SLC35F1: variants seen among roughly 807,000 people sequenced by gnomAD.
The protein encoded by SLC35F1 is chromosome 6 open reading frame 169.
In SLC35F1, 14 loss-of-function variants were observed where a neutral mutation model predicts 48.7. That is an observed-to-expected ratio of 0.29 (90% CI 0.19 to 0.45). The LOEUF is 0.45. Among genes scored for constraint, SLC35F1 ranks in the 20% least tolerant of loss-of-function variants. The pLI is 1.00. For missense variants in SLC35F1, 404 were observed against 500.0 expected, an observed-to-expected ratio of 0.81 and a Z score of 1.83; for synonymous variants, 190 against 202.2, an observed-to-expected ratio of 0.94 and a Z score of 0.51.
intron 1 of SLC35F1, among the ~76,000 whole-genome samples, chr6:118,096,738 A>G (rs1371082116): frequency 6.6e-6 from 1 of 152,202 alleles, no homozygotes; most frequent in Non-Finnish European, 1.5e-5. Flanking sequence ...TATTCATTCA[A>G]TGTGTAACTG....
rs951670677 is a variant in SLC35F1, at chr6:118,166,446, G to A, written c.349+11826G>A. Among the ~76,000 whole-genome samples, 15 of 152,286 alleles carry A rather than the reference G, an allele frequency of 9.8e-5. No homozygotes were observed. In the East Asian group the frequency reaches 2.9e-3, roughly 29 times the overall value. ...TGGCTTAGTGGATGTCATTTGCTGA[G>A]GTCGAAATTTCCAGCTGTGCAGTGT... On this transcript the variant is annotated intron_variant, in intron 2 of 7. Coordinates refer to ENST00000360388, the MANE Select transcript of SLC35F1 (RefSeq NM_001029858.4).
chr6:118,178,103 CA>C (rs1159751171), intron 2 of SLC35F1, among the ~76,000 whole-genome samples: 2 of 152,120 alleles, frequency 1.3e-5, no homozygotes, highest in African/African-American at 4.8e-5. Context: ...CACAGCTAAT[CA>C]GGTCTCCATC....
chr6:118,035,682 ATTTTT>A (rs745704672), intron 1 of SLC35F1, among the ~76,000 whole-genome samples: 1 of 87,302 alleles, frequency 1.1e-5, no homozygotes, highest in African/African-American at 4.7e-5. Flanking sequence ...GGCTTTGTTA[ATTTTT>A]TTTTTTTTTT....
chr6:118,079,269 T>G (rs1181515163), intron 1 of SLC35F1, among the ~76,000 whole-genome samples: 1 of 152,238 alleles, frequency 6.6e-6, no homozygotes, highest in African/African-American at 2.4e-5. Flanking sequence ...AATGGAATCA[T>G]ATCAAATCTT....
intron 1 of SLC35F1, among the ~76,000 whole-genome samples, chr6:117,966,062 G>A (rs1027776500): frequency 6.7e-6 from 1 of 149,948 alleles, no homozygotes; most frequent in African/African-American, 2.5e-5. Flanking sequence ...CGACCAATCA[G>A]CTCTCTGTAA....
intron 1 of SLC35F1, among the ~76,000 whole-genome samples, chr6:118,138,717 T>G (rs927313808): frequency 6.6e-6 from 1 of 152,198 alleles, no homozygotes; most frequent in Admixed American, 6.5e-5. Context: ...TTGCTTTTTT[T>G]TTTAAAGATG....
At chr6:118,235,459 T>G (rs1775349669) in intron 2 of SLC35F1, 50 bp from the exon 3 acceptor site, 1 of 1,532,044 alleles carries the variant, frequency 6.5e-7, no homozygotes, top group South Asian at 1.2e-5. Flanking sequence ...AATGTACAAT[T>G]TATTCTATTT....
chr6:118,141,189 A>G (rs1320457928), intron 1 of SLC35F1, among the ~76,000 whole-genome samples: 1 of 152,316 alleles, frequency 6.6e-6, no homozygotes, highest in Middle Eastern at 3.4e-3. Context: ...TAAGTGCCCT[A>G]TACAGGTGTA....
At chr6:117,991,931 T>G (rs1776924331) in intron 1 of SLC35F1, among the ~76,000 whole-genome samples, 1 of 152,204 alleles carries the variant, frequency 6.6e-6, no homozygotes, top group African/African-American at 2.4e-5. Context: ...TTTTATAAGC[T>G]CTATCTCTAT....
intron 6 of SLC35F1, among the ~76,000 whole-genome samples, chr6:118,280,398 G>C (rs893447940): frequency 3.3e-5 from 5 of 152,072 alleles, no homozygotes. Context: ...AAGTGTGCCG[G>C]GTCAGTGAGC....
chr6:118,021,249 G>A (rs936061081), intron 1 of SLC35F1, among the ~76,000 whole-genome samples: 2 of 152,104 alleles, frequency 1.3e-5, no homozygotes, highest in African/African-American at 4.8e-5. Flanking sequence ...GTAGAGTAAA[G>A]GGTCAAAGAT....
At chr6:118,303,965 T>C (rs1228568336) in intron 7 of SLC35F1, among the ~76,000 whole-genome samples, 1 of 152,228 alleles carries the variant, frequency 6.6e-6, no homozygotes, top group Non-Finnish European at 1.5e-5. Flanking sequence ...CATCTCAAGA[T>C]ACTCAATTTA....
chr6:118,017,608 G>T (rs1176332107), intron 1 of SLC35F1, among the ~76,000 whole-genome samples: 3 of 152,138 alleles, frequency 2.0e-5, no homozygotes, highest in African/African-American at 7.2e-5. Flanking sequence ...TTATGTTTCT[G>T]TCACTCATCT....
chr6:117,990,602 C>T (rs1425633780), intron 1 of SLC35F1, among the ~76,000 whole-genome samples: 1 of 152,160 alleles, frequency 6.6e-6, no homozygotes. Context: ...AGAGTGATTG[C>T]CTGTACACCA....
At chr6:118,125,002 G>A (rs1386342184) in intron 1 of SLC35F1, among the ~76,000 whole-genome samples, 2 of 152,086 alleles carry the variant, frequency 1.3e-5, no homozygotes, top group Non-Finnish European at 2.9e-5. Context: ...AGAAATGCTG[G>A]AAGGATATCC....
intron 1 of SLC35F1, among the ~76,000 whole-genome samples, chr6:117,944,616 C>CAT (rs1385593006): frequency 1.3e-5 from 2 of 151,788 alleles, no homozygotes; most frequent in Non-Finnish European, 2.9e-5. Flanking sequence ...CACACACACA[C>CAT]ACACACAGAA....
chr6:118,098,816 G>A (rs912604121), intron 1 of SLC35F1, among the ~76,000 whole-genome samples: 10 of 152,056 alleles, frequency 6.6e-5, no homozygotes, highest in East Asian at 1.9e-4. Flanking sequence ...GACTTTTAAC[G>A]TATTTATTTT....
intron 2 of SLC35F1, among the ~76,000 whole-genome samples, chr6:118,228,617 C>T (rs1225424172): frequency 1.3e-5 from 2 of 152,042 alleles, no homozygotes; most frequent in Non-Finnish European, 2.9e-5. Flanking sequence ...TTGCTTGATC[C>T]TGGGAGGGCA....
chr6:118,057,623 A>G (rs1240532850), intron 1 of SLC35F1, among the ~76,000 whole-genome samples: 2 of 152,180 alleles, frequency 1.3e-5, no homozygotes, highest in African/African-American at 2.4e-5. Context: ...ATTTGGGTTA[A>G]TGAGGTTTTG....
Sources: allele counts gnomAD v4.1 joint callset (sites outside exome capture counted in the v4.1 genomes callset), GRCh38; gene constraint gnomAD v4.1.1; transcripts MANE v1.5; gene names NCBI Gene and HGNC (gene_info 2026-07-23, HGNC 2026-07-21).